HNMT: variants seen among roughly 807,000 people sequenced by gnomAD.
HNMT encodes the protein histamine N-methyltransferase.
HNMT carries 30 observed loss-of-function variants against 32.1 expected under a neutral mutation model. The ratio of observed to expected loss-of-function variants is 0.93; its 90% CI spans 0.70 to 1.27. The LOEUF is 1.27. Among genes scored for constraint, HNMT ranks in the 50% most tolerant of loss-of-function variants. The pLI is 0.00. For missense variants in HNMT, 327 were observed against 346.0 expected, an observed-to-expected ratio of 0.95 and a Z score of 0.43; for synonymous variants, 125 against 119.0, an observed-to-expected ratio of 1.05 and a Z score of -0.33.
intron 1 of HNMT, among the ~76,000 whole-genome samples, chr2:137,966,561 T>A (rs1274182106): frequency 6.6e-6 from 1 of 152,232 alleles, no homozygotes. Context: ...TATATTCGAC[T>A]ATGCTTATAT....
At chr2:138,006,187 G>T (rs1681326819) in intron 5 of HNMT, among the ~76,000 whole-genome samples, 1 of 151,870 alleles carries the variant, frequency 6.6e-6, no homozygotes, top group Admixed American at 6.6e-5. Flanking sequence ...TGTGGGAGAG[G>T]TCTCATTTCC....
At position 137,969,423 on chromosome 2, in the gene HNMT, AT is replaced by A. The variant is rs921488039; in HGVS notation, c.138-734del. Among the ~76,000 whole-genome samples, 8 of 151,982 alleles carry A rather than the reference AT, an allele frequency of 5.3e-5. No individual in the cohort carries two copies. The East Asian group carries it at 7.7e-4, about 15-fold the overall frequency. On this transcript the variant is annotated intron_variant, in intron 1 of 5. Coordinates refer to ENST00000280097, the MANE Select transcript of HNMT (RefSeq NM_006895.3). ...CCAAATGTCTGCTGAATTCGTATTT[AT>A]TTTTTTTAAAAGCCCTGACAAAACA...
intron 4 of HNMT, chr2:138,002,764 T>G (rs1258280753): frequency 6.2e-6 from 6 of 962,580 alleles, no homozygotes; most frequent in Non-Finnish European, 1.2e-6. Context: ...TATTTTTATA[T>G]CATTGGATGT....
chr2:138,007,371 T>C (rs906859816), intron 5 of HNMT, among the ~76,000 whole-genome samples: 1 of 151,990 alleles, frequency 6.6e-6, no homozygotes. Flanking sequence ...TTCCCAATAA[T>C]GAATACTTTG....
chr2:138,004,379 G>A (rs1681271237), intron 4 of HNMT, among the ~76,000 whole-genome samples: 1 of 151,998 alleles, frequency 6.6e-6, no homozygotes, highest in South Asian at 2.1e-4. Context: ...AGGCTATATG[G>A]AATATTGAAT....
At chr2:138,002,666 T>C (rs1467313672) in intron 4 of HNMT, 4 of 355,122 alleles carry the variant, frequency 1.1e-5, no homozygotes, top group African/African-American at 2.2e-5. Flanking sequence ...AGGCTGGTCT[T>C]GAAATCCTGG....
At chr2:138,003,832 A>C (rs1681255150) in intron 4 of HNMT, among the ~76,000 whole-genome samples, 1 of 151,114 alleles carries the variant, frequency 6.6e-6, no homozygotes, top group African/African-American at 2.4e-5. Flanking sequence ...ATCAAAAACC[A>C]CTCCCTCTGC....
intron 2 of HNMT, among the ~76,000 whole-genome samples, chr2:137,979,439 A>T (rs953546171): frequency 4.0e-5 from 6 of 151,896 alleles, no homozygotes; most frequent in Non-Finnish European, 8.8e-5. Flanking sequence ...TTTTTAGTAG[A>T]GACGGGGTTT....
chr2:137,974,784 A>G (rs1680238222), intron 2 of HNMT, among the ~76,000 whole-genome samples: 1 of 152,232 alleles, frequency 6.6e-6, no homozygotes, highest in South Asian at 2.1e-4. Context: ...AATTGTATAT[A>G]CATTTATAGA....
chr2:138,007,203 T>C (rs962844043), intron 5 of HNMT, among the ~76,000 whole-genome samples: 1 of 151,982 alleles, frequency 6.6e-6, no homozygotes, highest in Non-Finnish European at 1.5e-5. Flanking sequence ...AAAAACCACT[T>C]CGCAAAAGTA....
chr2:137,990,682 G>T (rs1680791235), intron 2 of HNMT, among the ~76,000 whole-genome samples: 1 of 152,040 alleles, frequency 6.6e-6, no homozygotes, highest in African/African-American at 2.4e-5. Context: ...ATATCTTATG[G>T]ATATGTATAT....
chr2:138,007,443 A>T (rs1015913762), intron 5 of HNMT, among the ~76,000 whole-genome samples: 1 of 152,010 alleles, frequency 6.6e-6, no homozygotes, highest in African/African-American at 2.4e-5. Flanking sequence ...GATCATTGTC[A>T]TCAATTTAGT....
intron 2 of HNMT, among the ~76,000 whole-genome samples, chr2:137,986,998 A>G (rs2104951461): frequency 6.6e-6 from 1 of 152,336 alleles, no homozygotes; most frequent in South Asian, 2.1e-4. Flanking sequence ...CTATTCACAG[A>G]AGGGGAGAAA....
intron 5 of HNMT, among the ~76,000 whole-genome samples, chr2:138,010,017 G>C (rs901139306): frequency 1.3e-5 from 2 of 152,020 alleles, no homozygotes; most frequent in Non-Finnish European, 2.9e-5. Flanking sequence ...TTTTTATTAA[G>C]ATTCTTTGGG....
intron 5 of HNMT, among the ~76,000 whole-genome samples, chr2:138,009,414 T>C (rs1464690806): frequency 2.6e-5 from 4 of 152,014 alleles, no homozygotes; most frequent in African/African-American, 9.7e-5. Context: ...AAATCCCTTT[T>C]GTTCTATTTC....
chr2:138,003,246 T>TA (rs998888367), intron 4 of HNMT, among the ~76,000 whole-genome samples: 45 of 151,548 alleles, frequency 3.0e-4, no homozygotes, highest in African/African-American at 1.1e-3. Flanking sequence ...ATAATAATAA[T>TA]AAAAGAAAGG....
intron 1 of HNMT, among the ~76,000 whole-genome samples, chr2:137,965,214 C>A (rs1679919296): frequency 6.6e-6 from 1 of 152,148 alleles, no homozygotes; most frequent in African/African-American, 2.4e-5. Context: ...CAGTGAAACT[C>A]ACTGGTTCCT....
intron 2 of HNMT, among the ~76,000 whole-genome samples, chr2:137,981,035 T>C (rs1680478565): frequency 6.6e-6 from 1 of 152,144 alleles, no homozygotes; most frequent in Non-Finnish European, 1.5e-5. Flanking sequence ...ATTTTTTTTC[T>C]GCCTGATATT....
chr2:137,994,628 A>C (rs1429133043), intron 2 of HNMT, among the ~76,000 whole-genome samples: 1 of 152,208 alleles, frequency 6.6e-6, no homozygotes, highest in Non-Finnish European at 1.5e-5. Flanking sequence ...GAAAATTAAT[A>C]AGGATATTCA....
Sources: allele counts gnomAD v4.1 joint callset (sites outside exome capture counted in the v4.1 genomes callset), GRCh38; gene constraint gnomAD v4.1.1; transcripts MANE v1.5; gene names NCBI Gene and HGNC (gene_info 2026-07-23, HGNC 2026-07-21).